The following DCAF17 variants were observed in gnomAD, a reference collection of about 807,000 sequenced individuals.
The protein encoded by DCAF17 is DDB1- and CUL4-associated factor 17.
Under a neutral mutation model 66.0 loss-of-function variants are expected in DCAF17, and 48 were observed. The ratio of observed to expected loss-of-function variants is 0.73; its 90% CI spans 0.58 to 0.92. The LOEUF is 0.92. DCAF17 is among the 40% of genes least tolerant of loss of function. The pLI, the probability that DCAF17 is intolerant of heterozygous loss-of-function variation, is 0.00. For synonymous variants in DCAF17, 206 were observed against 214.6 expected (o/e 0.96, Z 0.35); for missense variants, 562 against 622.8 (o/e 0.90, Z 1.04).
In DCAF17 at chr2:171,434,508, C is replaced by T; in HGVS notation, c.-70C>T. 2 of 1,523,212 alleles carry T rather than the reference C, an allele frequency of 1.3e-6. No homozygotes were observed. Among genetic ancestry groups the T allele is most frequent in the Non-Finnish European group, 1.8e-6 (2 of 1,140,132 alleles). 94.4% of individuals were successfully genotyped at this position (1,523,212 alleles called of 1,614,324 possible). On this transcript the variant is annotated 5_prime_UTR_variant, in exon 1 of 14. Transcript: ENST00000375255. ...CCTCGAAATTCGAAGGCAGCGGCGG[C>T]TGCCCAGCACGGGAGTGTGGGGCGC...
chr2:171,460,095 C>T (rs144521403), intron 8 of DCAF17, among the ~76,000 whole-genome samples: 515 of 152,050 alleles, frequency 3.4e-3, no homozygotes, highest in Middle Eastern at 0.017. Flanking sequence ...GAGGCTGAGG[C>T]GGGTGGATCA....
intron 13 of DCAF17, 110 bp downstream of exon 13, chr2:171,480,303 AC>A: frequency 1.5e-6 from 2 of 1,374,672 alleles, no homozygotes; most frequent in Non-Finnish European, 2.0e-6. Flanking sequence ...TATGCCAATG[AC>A]CATGTGAAAG....
chr2:171,483,354 A>T lies in DCAF17; in HGVS notation c.*2240A>T, dbSNP rs1274272098. The T allele has an allele frequency of 2.2e-6, 1 of 454,032 alleles. No individual in the cohort carries two copies. The highest frequency in any genetic ancestry group is 2.0e-5 in the African/African-American group (1 of 50,020). The allele number at this position is 454,032 out of a possible 1,614,324, so 28.1% of individuals were successfully genotyped here. ...TATGGGTAACAATTCTGAGTGTTTA[A>T]TGCAAGCCCAGGTGAAGCAGGGTAG... On this transcript the variant is annotated 3_prime_UTR_variant, in exon 14 of 14. Coordinates refer to ENST00000375255, the MANE Select transcript of DCAF17 (RefSeq NM_025000.4).
At position 171,482,635 on chromosome 2, in the gene DCAF17, A is replaced by G. The variant is rs77176791; in HGVS notation, c.*1521A>G. On this transcript the variant is annotated 3_prime_UTR_variant, in exon 14 of 14. Transcript: ENST00000375255. ...TCTCCATTTCCAAGAGTGTTTCAGA[A>G]TAGGATGTCTTAAGACTTCAGTCAT... is the stretch of plus-strand genomic sequence containing the variant. 1,411 of 454,090 alleles carry G rather than the reference A, an allele frequency of 3.1e-3. 11 individuals are homozygous for G. Among genetic ancestry groups the G allele is most frequent in the East Asian group, 0.016 (236 of 14,396 alleles). The allele number at this position is 454,090 out of a possible 1,614,324, so 28.1% of individuals were successfully genotyped here.
At chr2:171,439,911 CAG>C (rs2105728339) in intron 2 of DCAF17, among the ~76,000 whole-genome samples, 1 of 152,222 alleles carries the variant, frequency 6.6e-6, no homozygotes, top group Non-Finnish European at 1.5e-5. Flanking sequence ...GCCTGGGTAA[CAG>C]AGCGAGACTC....
chr2:171,461,417 A>T (rs1695580641), intron 8 of DCAF17, among the ~76,000 whole-genome samples: 1 of 152,190 alleles, frequency 6.6e-6, no homozygotes, highest in Non-Finnish European at 1.5e-5. Flanking sequence ...ACAGAGCAAG[A>T]CTCTGTCTCA....
chr2:171,435,168 A>G lies in DCAF17; in HGVS notation c.212A>G (p.Tyr71Cys). Residue 71 changes from tyrosine (Y) to cysteine (C), a missense_variant, in exon 2 of 14, where the codon TAT (tyrosine) becomes TGT (cysteine). By Grantham distance (194) the Tyr-to-Cys change is radical (BLOSUM62 -2). Coordinates refer to ENST00000375255, the MANE Select transcript of DCAF17 (RefSeq NM_025000.4). ...AGAGGAAGAATATATTTTGACAATTATCGGCGCTGTGTCAGCAGGTAACTT... is the reference window on the plus strand; with the variant it reads ...AGAGGAAGAATATATTTTGACAATTGTCGGCGCTGTGTCAGCAGGTAACTT... Reference protein sequence around the residue: ...YERGRIYFDNYRRCVSSVASE... With the variant: ...YERGRIYFDNCRRCVSSVASE... 1.2e-6 allele frequency: 2 copies of G among 1,613,320 alleles called. No individual in the cohort carries two copies. Among genetic ancestry groups the G allele is most frequent in the South Asian group, 1.1e-5 (1 of 91,066 alleles).
chr2:171,474,479 T>C (rs1696404290), intron 10 of DCAF17: 1 of 167,000 alleles, frequency 6.0e-6, no homozygotes, highest in Admixed American at 5.7e-5. Flanking sequence ...TTTTTTAGTT[T>C]GCTTTCATGT....
intron 3 of DCAF17, among the ~76,000 whole-genome samples, chr2:171,446,065 TG>T (rs1299988009): frequency 6.6e-6 from 1 of 152,146 alleles, no homozygotes; most frequent in Non-Finnish European, 1.5e-5. Flanking sequence ...CTGAATCCAG[TG>T]TAAGACTTCA....
intron 1 of DCAF17, 188 bp downstream of exon 1, chr2:171,434,891 TC>T: frequency 9.4e-7 from 1 of 1,062,238 alleles, no homozygotes; most frequent in South Asian, 1.7e-5. Flanking sequence ...GTTTTACGCT[TC>T]TTATGTCTTA....
chr2:171,449,611 T>C (rs1223882547), intron 4 of DCAF17, among the ~76,000 whole-genome samples: 4 of 152,324 alleles, frequency 2.6e-5, no homozygotes, highest in Middle Eastern at 3.4e-3. Flanking sequence ...ATTATTTTGT[T>C]TTCTAAGTTT....
At chr2:171,437,789 A>G (rs1266750195) in intron 2 of DCAF17, among the ~76,000 whole-genome samples, 1 of 152,086 alleles carries the variant, frequency 6.6e-6, no homozygotes, top group Non-Finnish European at 1.5e-5. Context: ...ATTAGTAATC[A>G]ATTTTGTTGA....
Position 171,459,566 on chromosome 2 carries a change from C to T in DCAF17, c.838+1089C>T, listed in dbSNP as rs150994631. On this transcript the variant is annotated intron_variant, in intron 8 of 13. Transcript: ENST00000375255. ...TGAACACATTCCTCTTATTTATAAC[C>T]AACCAATAAGCATTATATTTTTAGG... Among the ~76,000 whole-genome samples the T allele has an allele frequency of 9.3e-3, 1,414 of 152,164 alleles. 30 individuals carry two copies. Among genetic ancestry groups the T allele is most frequent in the African/African-American group, 0.031 (1,302 of 41,500 alleles).
chr2:171,450,000 A>G lies in DCAF17; in HGVS notation c.537+43A>G, dbSNP rs750231739. ...TTCAATAAAATGAAGACTCTTTTTC[A>G]TAGGAATTTGTCTGCAGATTTGTTA... On this transcript the variant is annotated intron_variant, in intron 5 of 13. Coordinates refer to ENST00000375255, the MANE Select transcript of DCAF17 (RefSeq NM_025000.4). 13 of 1,468,604 alleles carry G rather than the reference A, an allele frequency of 8.9e-6. No homozygotes were observed. In the Middle Eastern group the frequency reaches 6.9e-4, roughly 78 times the overall value. 91.0% of individuals were successfully genotyped at this position (1,468,604 alleles called of 1,614,324 possible).
intron 2 of DCAF17, among the ~76,000 whole-genome samples, chr2:171,442,983 A>G (rs568129129): frequency 4.6e-5 from 7 of 152,232 alleles, no homozygotes; most frequent in Non-Finnish European, 1.0e-4. Context: ...AGCATTCAAT[A>G]TTGGCAGAAG....
At chr2:171,439,895 A>T (rs1392672000) in intron 2 of DCAF17, among the ~76,000 whole-genome samples, 1 of 152,102 alleles carries the variant, frequency 6.6e-6, no homozygotes, top group Non-Finnish European at 1.5e-5. Context: ...ATGCCACTGC[A>T]CTCCAGCCTG....
At chr2:171,471,102 C>T (rs1291464434) in intron 9 of DCAF17, among the ~76,000 whole-genome samples, 2 of 152,170 alleles carry the variant, frequency 1.3e-5, no homozygotes. Flanking sequence ...CACATACTCT[C>T]CTTCTATAAT....
Position 171,443,590 on chromosome 2 carries a change from G to A in DCAF17, c.298G>A (p.Ala100Thr). The change falls in exon 3 of 14, where the codon GCT becomes ACT. Residue 100 changes from alanine to threonine, a missense_variant. Ala to Thr is a moderately conservative substitution (Grantham distance 58). Around this residue, in one of 3 missense-constraint regions of DCAF17, gnomAD observed 348 missense variants for 355.9 expected, o/e 0.98. Transcript: ENST00000375255. The part of the protein sequence containing the change: ...KCSKSEKIED[A>T]LLWECPVGDI... Reference sequence around the variant, plus strand: ...TTCCAAATCAGAAAAAATAGAGGATGCTTTATTATGGGAATGCCCAGTGGT... The same window carrying A: ...TTCCAAATCAGAAAAAATAGAGGATACTTTATTATGGGAATGCCCAGTGGT... The A allele has an allele frequency of 2.5e-6, 4 of 1,612,992 alleles. No homozygotes were observed. Among genetic ancestry groups the A allele is most frequent in the Non-Finnish European group, 2.5e-6 (3 of 1,179,398 alleles).
In DCAF17 at chr2:171,482,326, A is replaced by T. The variant is rs1003683367; in HGVS notation, c.*1212A>T. 2.2e-6 allele frequency: 1 copy of T among 453,700 alleles called. No homozygotes were observed. The highest frequency in any genetic ancestry group is 2.4e-5 in the Admixed American group (1 of 42,534). The allele number at this position is 453,700 out of a possible 1,614,324, so 28.1% of individuals were successfully genotyped here. A position where few individuals can be genotyped will look rare whatever the true frequency, so the allele number is the denominator to read the frequency against. ...TTCAAGTTTAAGGTTAAAATATGGA[A>T]TTTTTAGCTTGGATGATTTATATTA... On this transcript the variant is annotated 3_prime_UTR_variant, in exon 14 of 14. Transcript: ENST00000375255.
Sources: gnomAD v4.1 joint callset for allele counts (sites outside exome capture counted in the v4.1 genomes callset) on GRCh38, gnomAD v4.1.1 for gene constraint, gnomAD v4.1.1 regional missense constraint, MANE v1.5 for transcripts, NCBI Gene and HGNC (gene_info 2026-07-23, HGNC 2026-07-21) for gene names.